The following DPP10 variants were observed in gnomAD, a reference collection of about 807,000 sequenced individuals.
The protein encoded by DPP10 is inactive dipeptidyl peptidase 10.
In DPP10, 33 loss-of-function variants were observed where a neutral mutation model predicts 120.9. That is an observed-to-expected ratio of 0.27 (90% CI 0.21 to 0.37). DPP10 has a LOEUF of 0.37. Among genes scored for constraint, DPP10 ranks in the 10% least tolerant of loss-of-function variants. DPP10 has a pLI of 1.00. For missense variants in DPP10, 816 were observed against 942.8 expected (o/e 0.87, Z 1.76); for synonymous variants, 337 against 326.1 (o/e 1.03, Z -0.36).
intron 1 of DPP10, among the ~76,000 whole-genome samples, chr2:114,587,103 CTA>C (rs1691050247): frequency 6.6e-6 from 1 of 152,016 alleles, no homozygotes; most frequent in African/African-American, 2.4e-5. Flanking sequence ...CGAGCCCAGC[CTA>C]GCCAACATGG....
intron 1 of DPP10, among the ~76,000 whole-genome samples, chr2:114,807,179 A>G (rs1420584727): frequency 6.6e-6 from 1 of 152,242 alleles, no homozygotes; most frequent in Non-Finnish European, 1.5e-5. Context: ...GGCTCAATAA[A>G]TAGAACATTA....
chr2:115,291,020 C>T (rs921035777), intron 1 of DPP10, among the ~76,000 whole-genome samples: 3 of 152,002 alleles, frequency 2.0e-5, no homozygotes, highest in South Asian at 2.1e-4. Context: ...TATTATTTTT[C>T]TGAGGCAGGG....
At chr2:115,182,363 G>C (rs942936320) in intron 1 of DPP10, among the ~76,000 whole-genome samples, 6 of 152,178 alleles carry the variant, frequency 3.9e-5, no homozygotes, top group Non-Finnish European at 8.8e-5. Flanking sequence ...TGAAATCCTT[G>C]ATGTTGTCAC....
intron 1 of DPP10, among the ~76,000 whole-genome samples, chr2:115,189,878 C>A (rs914775866): frequency 2.0e-5 from 3 of 152,064 alleles, no homozygotes; most frequent in Admixed American, 6.6e-5. Context: ...TACCATTTTT[C>A]TAGCCACCCT....
chr2:114,647,379 G>C lies in DPP10; in HGVS notation c.60+204541G>C, dbSNP rs112508768. ...ACATCTTTATACTCTTACCTCTCCAGCTGTTCTCTGTGCAAAGCTGAACTA... is the reference window on the plus strand; with the variant it reads ...ACATCTTTATACTCTTACCTCTCCACCTGTTCTCTGTGCAAAGCTGAACTA... On this transcript the variant is annotated intron_variant, in intron 1 of 25. Coordinates refer to ENST00000410059, the MANE Select transcript of DPP10 (RefSeq NM_020868.6). 2.9e-4 allele frequency among the ~76,000 whole-genome samples: 44 copies of C among 152,200 alleles called. 1 individual carries two copies. Among genetic ancestry groups the C allele is most frequent in the African/African-American group, 1.0e-3 (42 of 41,538 alleles).
intron 1 of DPP10, among the ~76,000 whole-genome samples, chr2:115,139,090 A>G (rs1035486525): frequency 6.6e-6 from 1 of 152,184 alleles, no homozygotes; most frequent in Non-Finnish European, 1.5e-5. Flanking sequence ...CTTGCTAGAA[A>G]ACTCTATTTT....
intron 1 of DPP10, among the ~76,000 whole-genome samples, chr2:114,706,360 A>G (rs1209914729): frequency 1.3e-5 from 2 of 152,230 alleles, no homozygotes; most frequent in East Asian, 3.8e-4. Flanking sequence ...ACAGTAATTT[A>G]CGCTTTCACA....
intron 1 of DPP10, among the ~76,000 whole-genome samples, chr2:115,103,060 T>C (rs2048770318): frequency 6.6e-6 from 1 of 152,136 alleles, no homozygotes; most frequent in Admixed American, 6.5e-5. Context: ...TTATAGCTGC[T>C]ATAAAAAATG....
chr2:115,615,747 A>G (rs1218546521), intron 5 of DPP10, among the ~76,000 whole-genome samples: 5 of 152,154 alleles, frequency 3.3e-5, no homozygotes, highest in Non-Finnish European at 7.4e-5. Flanking sequence ...ATTTTCGAAA[A>G]ATGGAAGACT....
intron 1 of DPP10, among the ~76,000 whole-genome samples, chr2:114,782,185 A>T (rs1299574297): frequency 4.6e-5 from 7 of 151,938 alleles, no homozygotes; most frequent in African/African-American, 1.4e-4. Flanking sequence ...TCTTCATACT[A>T]GTCATGAGAA....
At chr2:115,640,673 A>G (rs2149347627) in intron 5 of DPP10, among the ~76,000 whole-genome samples, 1 of 152,266 alleles carries the variant, frequency 6.6e-6, no homozygotes, top group South Asian at 2.1e-4. Flanking sequence ...AAGCTGAACT[A>G]TGGCAGCGCA....
chr2:114,699,596 A>T (rs1212247838), intron 1 of DPP10, among the ~76,000 whole-genome samples: 1 of 152,114 alleles, frequency 6.6e-6, no homozygotes, highest in East Asian at 1.9e-4. Context: ...TAGGCAGAGG[A>T]TAACATTGTA....
chr2:114,768,772 A>C (rs1454795889), intron 1 of DPP10, among the ~76,000 whole-genome samples: 1 of 152,168 alleles, frequency 6.6e-6, no homozygotes, highest in Non-Finnish European at 1.5e-5. Flanking sequence ...TGTTCCCAGG[A>C]TCTGTCTTAA....
At chr2:115,692,103 C>A (rs1442101640) in intron 7 of DPP10, among the ~76,000 whole-genome samples, 2 of 151,998 alleles carry the variant, frequency 1.3e-5, no homozygotes, top group Non-Finnish European at 2.9e-5. Flanking sequence ...AATCCTTCTG[C>A]ACTAGTTAAC....
chr2:115,283,981 G>A (rs1437875718), intron 1 of DPP10, among the ~76,000 whole-genome samples: 1 of 151,938 alleles, frequency 6.6e-6, no homozygotes, highest in African/African-American at 2.4e-5. Flanking sequence ...ACTCTATGAT[G>A]TTTGCACAAT....
At chr2:115,122,159 A>C (rs1271413461) in intron 1 of DPP10, among the ~76,000 whole-genome samples, 1 of 152,226 alleles carries the variant, frequency 6.6e-6, no homozygotes, top group African/African-American at 2.4e-5. Context: ...AGAATGAACC[A>C]GTGCTTACTG....
intron 5 of DPP10, among the ~76,000 whole-genome samples, chr2:115,589,470 G>T (rs1219043995): frequency 6.6e-6 from 1 of 152,000 alleles, no homozygotes; most frequent in African/African-American, 2.4e-5. Context: ...ACAGAATTCT[G>T]CTCAAGTGCC....
chr2:114,906,552 T>C (rs567574438), intron 1 of DPP10, among the ~76,000 whole-genome samples: 1 of 152,278 alleles, frequency 6.6e-6, no homozygotes, highest in South Asian at 2.1e-4. Flanking sequence ...TCCGTGTTCA[T>C]TAACTGTCAT....
chr2:115,675,128 A>G lies in DPP10; in HGVS notation c.442-14559A>G, dbSNP rs975802953. Among the ~76,000 whole-genome samples, 12 of 152,188 alleles carry G rather than the reference A, an allele frequency of 7.9e-5. No individual in the cohort carries two copies. In the South Asian group the frequency reaches 1.2e-3, roughly 16 times the overall value. ...AAAATAAAAACATTGATTTTCCCTC[A>G]AAGATGTTATCATTACCTGGAAACT... On this transcript the variant is annotated intron_variant, in intron 5 of 25. Coordinates refer to ENST00000410059, the MANE Select transcript of DPP10 (RefSeq NM_020868.6).
Sources: gnomAD v4.1 joint callset for allele counts (sites outside exome capture counted in the v4.1 genomes callset) on GRCh38, gnomAD v4.1.1 for gene constraint, MANE v1.5 for transcripts, NCBI Gene and HGNC (gene_info 2026-07-23, HGNC 2026-07-21) for gene names.